B3GALT5: variants seen among roughly 807,000 people sequenced by gnomAD.
B3GALT5 encodes beta-1,3-galactosyltransferase 5.
For missense variants in B3GALT5, 328 were observed against 396.6 expected (o/e 0.83, Z 1.47); for synonymous variants, 156 against 158.6 (o/e 0.98, Z 0.12).
chr21:39,631,615 A>G (rs2079192411), intron 1 of B3GALT5, among the ~76,000 whole-genome samples: 1 of 152,228 alleles, frequency 6.6e-6, no homozygotes, highest in South Asian at 2.1e-4. Flanking sequence ...AACTCACTTT[A>G]GGAAGCTGAT....
intron 1 of B3GALT5, among the ~76,000 whole-genome samples, chr21:39,613,468 A>C (rs2079091461): frequency 6.6e-6 from 1 of 152,312 alleles, no homozygotes; most frequent in Admixed American, 6.5e-5. Context: ...TGCGGCAGGC[A>C]GCTTCTGCAT....
chr21:39,620,616 C>G (rs1309896980), intron 1 of B3GALT5, among the ~76,000 whole-genome samples: 3 of 152,158 alleles, frequency 2.0e-5, no homozygotes, highest in Non-Finnish European at 4.4e-5. Flanking sequence ...TGTGCTGAGA[C>G]ATTGAATTGC....
intron 1 of B3GALT5, among the ~76,000 whole-genome samples, chr21:39,618,667 G>A (rs1385899998): frequency 6.6e-6 from 1 of 152,110 alleles, no homozygotes; most frequent in African/African-American, 2.4e-5. Flanking sequence ...ATCTATAGAA[G>A]CTCATTTAGA....
intron 1 of B3GALT5, among the ~76,000 whole-genome samples, chr21:39,639,224 A>G (rs1001693662): frequency 6.6e-6 from 1 of 152,144 alleles, no homozygotes; most frequent in South Asian, 2.1e-4. Context: ...AGCATGAAAG[A>G]TAAGTTGTAA....
chr21:39,661,573 G>C lies in B3GALT5; in HGVS notation c.*81G>C. The C allele has an allele frequency of 7.6e-7, 1 of 1,307,298 alleles. No homozygotes were observed. Among genetic ancestry groups the C allele is most frequent in the Non-Finnish European group, 1.0e-6 (1 of 981,058 alleles). 81.0% of individuals were successfully genotyped at this position (1,307,298 alleles called of 1,614,324 possible). ...TGCTAGATTTTGGAAGAGGGGGCGG[G>C]ACAGAGGATGCTGTTCTTCAGTGCT... On this transcript the variant is annotated 3_prime_UTR_variant, in exon 4 of 4. Coordinates refer to ENST00000684187, the MANE Select transcript of B3GALT5 (RefSeq NM_001356336.2). The surrounding 1 kb of genome is among the most constrained non-coding windows in gnomAD (Gnocchi z 4.7).
intron 2 of B3GALT5, among the ~76,000 whole-genome samples, chr21:39,655,558 G>C (rs1447136459): frequency 6.6e-6 from 1 of 152,122 alleles, no homozygotes; most frequent in Non-Finnish European, 1.5e-5. Flanking sequence ...AGCTCACTTG[G>C]GAGATTCTCT....
intron 1 of B3GALT5, among the ~76,000 whole-genome samples, chr21:39,623,019 T>A (rs1338956107): frequency 2.0e-5 from 3 of 152,174 alleles, no homozygotes; most frequent in African/African-American, 7.2e-5. Context: ...CCTTATTTTG[T>A]AACTATTCCT....
At chr21:39,619,900 C>T (rs979128417) in intron 1 of B3GALT5, among the ~76,000 whole-genome samples, 9 of 152,144 alleles carry the variant, frequency 5.9e-5, no homozygotes, top group Non-Finnish European at 1.3e-4. Context: ...CTCTGCCTCC[C>T]GGGTTCAAGC....
chr21:39,645,717 A>T (rs2079331363), intron 1 of B3GALT5, among the ~76,000 whole-genome samples: 2 of 152,166 alleles, frequency 1.3e-5, no homozygotes, highest in African/African-American at 4.8e-5. Flanking sequence ...GACTTGGAAT[A>T]GAGACCTGTT....
intron 1 of B3GALT5, among the ~76,000 whole-genome samples, chr21:39,645,740 G>T (rs1187961878): frequency 6.6e-6 from 1 of 152,164 alleles, no homozygotes; most frequent in Non-Finnish European, 1.5e-5. Flanking sequence ...CCCTGTTCCA[G>T]TTGGGACAAC....
chr21:39,625,027 A>C (rs1210303508), intron 1 of B3GALT5, among the ~76,000 whole-genome samples: 1 of 152,182 alleles, frequency 6.6e-6, no homozygotes, highest in African/African-American at 2.4e-5. Flanking sequence ...GCTGGCTCTC[A>C]ACTCCACATT....
chr21:39,661,369 C>T lies in B3GALT5; in HGVS notation c.810C>T (p.Gly270=). 6.2e-7 allele frequency: 1 copy of T among 1,605,910 alleles called. No homozygotes were observed. The highest frequency in any genetic ancestry group is 1.7e-5 in the Admixed American group (1 of 59,334). ...CCCAGCCGACCTTTTTTCCAGGGGG[C>T]TTACGCTTCTCCGTATGCCTCTTCA... ...LHSQPTFFPG[G]LRFSVCLFRR... is the part of the protein sequence containing the mutation. Residue 270 remains glycine, a synonymous_variant, in exon 4 of 4, where the codon GGC becomes GGT. Coordinates refer to ENST00000684187, the MANE Select transcript of B3GALT5 (RefSeq NM_001356336.2). The surrounding 1 kb of genome is among the most constrained non-coding windows in gnomAD (Gnocchi z 4.7).
chr21:39,651,749 C>CT (rs1358757747), intron 2 of B3GALT5, among the ~76,000 whole-genome samples: 1 of 147,438 alleles, frequency 6.8e-6, no homozygotes, highest in African/African-American at 2.5e-5. Flanking sequence ...ACCGGCGAAG[C>CT]TAGTCCTGCC....
rs2079570717 is a variant in B3GALT5 at position 39,665,539 on chromosome 21, C to G, written c.*4047C>G. The G allele has an allele frequency of 1.3e-5, 2 of 152,352 alleles. No homozygotes were observed. The highest frequency in any genetic ancestry group is 4.1e-4 in the South Asian group (2 of 4,838). 9.4% of individuals were successfully genotyped at this position (152,352 alleles called of 1,614,324 possible). On this transcript the variant is annotated 3_prime_UTR_variant, in exon 4 of 4. Coordinates refer to ENST00000684187, the MANE Select transcript of B3GALT5 (RefSeq NM_001356336.2). The stretch of plus-strand genomic sequence containing the variant: ...TGTCCCTTTGCTCACTCCCTCTGGC[C>G]TCTTGCTGTTCCCTGAACAGCAGTC...
At chr21:39,613,477 A>G (rs2079091497) in intron 1 of B3GALT5, among the ~76,000 whole-genome samples, 1 of 152,192 alleles carries the variant, frequency 6.6e-6, no homozygotes, top group Non-Finnish European at 1.5e-5. Flanking sequence ...CAGCTTCTGC[A>G]TCGTGGGGGT....
chr21:39,633,137 T>C (rs2079203161), intron 1 of B3GALT5, among the ~76,000 whole-genome samples: 1 of 152,156 alleles, frequency 6.6e-6, no homozygotes, highest in African/African-American at 2.4e-5. Context: ...GCTGTGGTTC[T>C]TCTAGAGGGG....
At chr21:39,618,745 A>T (rs2079119893) in intron 1 of B3GALT5, among the ~76,000 whole-genome samples, 1 of 152,026 alleles carries the variant, frequency 6.6e-6, no homozygotes, top group African/African-American at 2.4e-5. Flanking sequence ...TTGTATTTTT[A>T]CATTTTATTG....
At chr21:39,628,288 C>T (rs1205717979) in intron 1 of B3GALT5, among the ~76,000 whole-genome samples, 1 of 152,142 alleles carries the variant, frequency 6.6e-6, no homozygotes, top group Non-Finnish European at 1.5e-5. Flanking sequence ...ACGGGGTACA[C>T]CTGCAATTTG....
rs146103429 is a variant in B3GALT5, at chr21:39,613,392, C to T, written c.-392+325C>T. ...TTAGGGAATCAGCACTGGATGGAAA[C>T]ATCGCACAATTAAAAAGAATGGCCT... On this transcript the variant is annotated intron_variant, in intron 1 of 3. Transcript: ENST00000684187. Among the ~76,000 whole-genome samples, 687 of 152,298 alleles carry T rather than the reference C, an allele frequency of 4.5e-3. 7 individuals are homozygous for T. Among genetic ancestry groups the T allele is most frequent in the African/African-American group, 0.016 (648 of 41,580 alleles).
Sources: gnomAD v4.1 joint callset for allele counts (sites outside exome capture counted in the v4.1 genomes callset) on GRCh38, gnomAD v4.1.1 for gene constraint, Gnocchi (gnomAD v3.1) non-coding constraint, MANE v1.5 for transcripts, NCBI Gene and HGNC (gene_info 2026-07-23, HGNC 2026-07-21) for gene names.